Variants in CASK observed in about 807,000 individuals in gnomAD.
The protein encoded by CASK is calcium/calmodulin dependent serine protein kinase.
Under a neutral mutation model 82.9 loss-of-function variants are expected in CASK, and 4 were observed. The ratio of observed to expected loss-of-function variants is 0.05; its 90% confidence interval spans 0.02 to 0.11. The LOEUF (loss-of-function observed/expected upper bound fraction) is 0.11, where lower values mean the gene tolerates loss of function less well. Among genes scored for constraint, CASK ranks in the 10% least tolerant of loss-of-function variants. The pLI, the probability that CASK is intolerant of heterozygous loss-of-function variation, is 1.00. For missense variants in CASK, 358 were observed against 720.9 expected, an observed-to-expected ratio of 0.50 and a Z score of 5.76; for synonymous variants, 259 against 253.5, an observed-to-expected ratio of 1.02 and a Z score of -0.20.
chrX:41,748,210 A>G (rs149518387), intron 3 of CASK: 12 of 117,862 alleles, frequency 1.0e-4, no homozygotes, highest in East Asian at 2.4e-4. Context: ...CCATGCTGCC[A>G]TAATGGTGTG....
At chrX:41,855,793 C>T (rs1028629080) in intron 1 of CASK, among the ~76,000 whole-genome samples, 8 of 111,724 alleles carry the variant, frequency 7.2e-5, no homozygotes, top group Non-Finnish European at 1.3e-4. Context: ...TAATTATGAC[C>T]GTATTAAAAA....
intron 12 of CASK, among the ~76,000 whole-genome samples, chrX:41,596,582 T>A (rs756107673): frequency 4.5e-5 from 5 of 112,355 alleles, no homozygotes; most frequent in Admixed American, 1.9e-4. Context: ...TAATAAATTA[T>A]CCCTAGAGGG....
intron 5 of CASK, among the ~76,000 whole-genome samples, chrX:41,680,275 A>T (rs779615933): frequency 8.1e-4 from 88 of 109,284 alleles, no homozygotes; most frequent in Non-Finnish European, 1.5e-3. Context: ...AGAGGTCAAG[A>T]GATTGAGACC....
chrX:41,699,608 C>T (rs2067755104), intron 5 of CASK, among the ~76,000 whole-genome samples: 1 of 110,513 alleles, frequency 9.0e-6, no homozygotes, highest in Non-Finnish European at 1.9e-5. Context: ...AATATAAATA[C>T]ACTCATAGTT....
intron 4 of CASK, among the ~76,000 whole-genome samples, chrX:41,742,158 C>T (rs2068606042): frequency 8.9e-6 from 1 of 111,895 alleles, no homozygotes; most frequent in African/African-American, 3.3e-5. Flanking sequence ...AACACGGGAT[C>T]TCTGAGGCAC....
intron 1 of CASK, among the ~76,000 whole-genome samples, chrX:41,918,348 C>A (rs1238302450): frequency 8.9e-6 from 1 of 112,198 alleles, no homozygotes. Context: ...TGCATTAACT[C>A]AATTCTCCAG....
chrX:41,770,077 C>A (rs1480486141), intron 3 of CASK, among the ~76,000 whole-genome samples: 1 of 110,904 alleles, frequency 9.0e-6, no homozygotes, highest in African/African-American at 3.3e-5. Flanking sequence ...AGATCTCGAC[C>A]AATAACCAGC....
intron 2 of CASK, among the ~76,000 whole-genome samples, chrX:41,837,724 G>A (rs1308197217): frequency 8.9e-6 from 1 of 111,828 alleles, no homozygotes; most frequent in Non-Finnish European, 1.9e-5. Flanking sequence ...ATCACAATTC[G>A]TTTAACCATT....
chrX:41,819,729 T>A (rs775383332), intron 2 of CASK, among the ~76,000 whole-genome samples: 2 of 111,576 alleles, frequency 1.8e-5, no homozygotes, highest in East Asian at 5.6e-4. Context: ...ATATAAAAAA[T>A]TTAATAAACC....
At position 41,712,626 on chromosome X, in the gene CASK, T is replaced by C. The variant is rs757461142; in HGVS notation, c.429+26758A>G. ...GGAATTTAATTTATAGTTTAAATAATAGCCCTTCCCAAAAGCTAAACTGTT... is the reference window on the plus strand; with the variant it reads ...GGAATTTAATTTATAGTTTAAATAACAGCCCTTCCCAAAAGCTAAACTGTT... On this transcript the variant is annotated intron_variant, in intron 5 of 26. Transcript: ENST00000378163. 1.1e-4 allele frequency among the ~76,000 whole-genome samples: 12 copies of C among 112,791 alleles called. No homozygotes were observed. The South Asian group carries it at 1.8e-3, about 17-fold the overall frequency.
intron 2 of CASK, among the ~76,000 whole-genome samples, chrX:41,795,216 T>C (rs1030788819): frequency 1.8e-5 from 2 of 112,558 alleles, no homozygotes; most frequent in Non-Finnish European, 3.8e-5. Context: ...CAATATGTGA[T>C]ACTTATTTGA....
chrX:41,766,550 C>T (rs914464355), intron 3 of CASK, among the ~76,000 whole-genome samples: 38 of 111,420 alleles, frequency 3.4e-4, no homozygotes, highest in African/African-American at 1.1e-3. Flanking sequence ...CACTGCCTAC[C>T]CACTGCTTGA....
intron 2 of CASK, among the ~76,000 whole-genome samples, chrX:41,789,722 A>AT (rs1279738308): frequency 2.7e-5 from 3 of 111,078 alleles, no homozygotes. Context: ...TCCCATTTTT[A>AT]TTAGAACTCA....
chrX:41,731,875 C>T (rs2068402361), intron 5 of CASK, among the ~76,000 whole-genome samples: 2 of 110,205 alleles, frequency 1.8e-5, no homozygotes, highest in Non-Finnish European at 3.8e-5. Context: ...GGTGATCTCA[C>T]CACCTCAGCC....
chrX:41,787,144 G>T, intron 3 of CASK, 34 bp downstream of exon 3: 1 of 847,296 alleles, frequency 1.2e-6, no homozygotes, highest in Non-Finnish European at 1.8e-6. Flanking sequence ...ATTGCTTCAA[G>T]TTTTACCCTT....
chrX:41,654,984 AT>A (rs763099566), intron 8 of CASK, among the ~76,000 whole-genome samples: 2,833 of 97,564 alleles, frequency 0.029, 87 homozygotes, highest in African/African-American at 0.085. Context: ...GGGACTCAAC[AT>A]TTTTTTTTTT....
At chrX:41,698,549 GA>G (rs1299695816) in intron 5 of CASK, among the ~76,000 whole-genome samples, 1 of 111,348 alleles carries the variant, frequency 9.0e-6, no homozygotes, top group Non-Finnish European at 1.9e-5. Flanking sequence ...GTGCTTACAA[GA>G]AAAAAAGTTG....
chrX:41,919,645 T>G (rs1201902252), intron 1 of CASK, among the ~76,000 whole-genome samples: 1 of 112,058 alleles, frequency 8.9e-6, no homozygotes, highest in Non-Finnish European at 1.9e-5. Flanking sequence ...AGACAAGAAG[T>G]TTTGGGACTA....
intron 8 of CASK, among the ~76,000 whole-genome samples, chrX:41,654,581 G>A (rs1208333635): frequency 9.0e-6 from 1 of 111,479 alleles, no homozygotes; most frequent in Non-Finnish European, 1.9e-5. Flanking sequence ...GCTGAGGCAG[G>A]AGAATGGCTT....
Sources: gnomAD v4.1 joint callset for allele counts (sites outside exome capture counted in the v4.1 genomes callset) on GRCh38, gnomAD v4.1.1 for gene constraint, MANE v1.5 for transcripts, NCBI Gene and HGNC (gene_info 2026-07-23, HGNC 2026-07-21) for gene names.